The following NPHP4 variants were observed in gnomAD, a reference collection of about 807,000 sequenced individuals.
NPHP4 encodes nephrocystin 4.
In NPHP4, 151 loss-of-function variants were observed where a neutral mutation model predicts 155.8. The observed-to-expected ratio is 0.97, with a 90% CI of 0.85 to 1.11. NPHP4 has a LOEUF of 1.11. NPHP4 is among the 50% of genes least tolerant of loss of function. NPHP4 has a pLI of 0.00. For missense variants in NPHP4, 1,956 were observed against 1,925.7 expected (o/e 1.02, Z -0.29); for synonymous variants, 845 against 816.8 (o/e 1.03, Z -0.59).
intron 16 of NPHP4, among the ~76,000 whole-genome samples, chr1:5,901,621 C>G (rs11122117): frequency 0.023 from 3,524 of 152,288 alleles, 111 homozygotes; most frequent in African/African-American, 0.077. Flanking sequence ...GGTTTATATT[C>G]AAGTCAGGAG....
chr1:5,879,949 G>A (rs1251254859), intron 19 of NPHP4, among the ~76,000 whole-genome samples, 165 bp downstream of exon 19: 1 of 150,724 alleles, frequency 6.6e-6, no homozygotes, highest in Non-Finnish European at 1.5e-5. Context: ...CCTGCACATG[G>A]ACAGCACAGT....
chr1:5,951,180 G>A (rs183402057), intron 7 of NPHP4, among the ~76,000 whole-genome samples: 5 of 152,316 alleles, frequency 3.3e-5, no homozygotes, highest in African/African-American at 7.2e-5. Flanking sequence ...GAGGAGACCC[G>A]CGAGGCTCTG....
At position 5,864,036 on chromosome 1, in the gene NPHP4, G is replaced by A. The variant is rs991565030; in HGVS notation, c.3997-3C>T. On this transcript the variant is annotated splice_region_variant and splice_polypyrimidine_tract_variant and intron_variant, in intron 28 of 29. Transcript: ENST00000378156. ...GCAGCCAACATGATCTCAAAGGCCT[G>A]TGGAGGGAGGGGACAGGGAGACGCT... is the stretch of plus-strand genomic sequence containing the variant. The A allele has an allele frequency of 3.1e-6, 5 of 1,612,762 alleles. No individual in the cohort carries two copies. In the African/African-American group the frequency reaches 4.0e-5, roughly 13 times the overall value.
At chr1:5,869,222 T>G (rs1254495851) in intron 23 of NPHP4, among the ~76,000 whole-genome samples, 2 of 93,292 alleles carry the variant, frequency 2.1e-5, no homozygotes, top group South Asian at 4.2e-4. Flanking sequence ...TGCATACACA[T>G]CCACCCACAT....
chr1:5,952,546 C>G (rs143687633), intron 7 of NPHP4, among the ~76,000 whole-genome samples, 154 bp downstream of exon 7: 1 of 151,126 alleles, frequency 6.6e-6, no homozygotes, highest in Admixed American at 6.6e-5. Context: ...GCATCAGATG[C>G]GGGGTCTCCC....
chr1:5,913,570 G>A lies in NPHP4; in HGVS notation c.1442-4357C>T, dbSNP rs369546529. 3.7e-4 allele frequency among the ~76,000 whole-genome samples: 57 copies of A among 152,328 alleles called. 3 individuals are homozygous for A. The South Asian group carries it at 0.011, about 30-fold the overall frequency. On this transcript the variant is annotated intron_variant, in intron 11 of 29. Transcript: ENST00000378156. ...TACAGCACAGGCCTCAGGAGGCAAG[G>A]CAGGGCCTGCACTCTGATCCCAACC... is the stretch of plus-strand genomic sequence containing the variant.
chr1:5,867,439 C>T lies in NPHP4; in HGVS notation c.3472+301G>A, dbSNP rs569374076. The T allele has an allele frequency of 5.5e-6, 3 of 548,922 alleles. No individual in the cohort carries two copies. The highest frequency in any genetic ancestry group is 3.2e-5 in the Admixed American group (1 of 31,072). The allele number at this position is 548,922 out of a possible 1,614,324, so 34.0% of individuals were successfully genotyped here. A position where few individuals can be genotyped will look rare whatever the true frequency, so the allele number is the denominator to read the frequency against. On this transcript the variant is annotated intron_variant, in intron 24 of 29. Coordinates refer to ENST00000378156, the MANE Select transcript of NPHP4 (RefSeq NM_015102.5). This position sits in a 1 kb window ranked among gnomAD's most constrained non-coding sequence, Gnocchi z 4.1. ...CTGTAAGGGGCACCTACCAGAAACA[C>T]GCGGGCCGTCAGGTGAGGAGGTAGG... is the stretch of plus-strand genomic sequence containing the variant.
intron 12 of NPHP4, 67 bp downstream of exon 12, chr1:5,909,085 C>T: frequency 7.7e-7 from 1 of 1,304,736 alleles, no homozygotes; most frequent in South Asian, 1.3e-5. Flanking sequence ...TAAGGGGGGA[C>T]AGAGGGTTTT....
At position 5,914,257 on chromosome 1, in the gene NPHP4, CAAAAAAAAAAA is replaced by C. The variant is rs575438284; in HGVS notation, c.1442-5055_1442-5045del. 9.0e-3 allele frequency among the ~76,000 whole-genome samples: 426 copies of C among 47,392 alleles called. 4 individuals carry two copies. Among genetic ancestry groups the C allele is most frequent in the African/African-American group, 0.022 (349 of 16,184 alleles). 31.1% of individuals were successfully genotyped at this position (47,392 alleles called of 152,430 possible). On this transcript the variant is annotated intron_variant, in intron 11 of 29. Coordinates refer to ENST00000378156, the MANE Select transcript of NPHP4 (RefSeq NM_015102.5). ...GCAACATGGCAAAATCTTATCTATACAAAAAAAAAAAAAAAAAAAAAAAAAAAAAGGCCTGG... is the reference window on the plus strand; with the variant it reads ...GCAACATGGCAAAATCTTATCTATACAAAAAAAAAAAAAAAAAAGGCCTGG...
intron 18 of NPHP4, among the ~76,000 whole-genome samples, chr1:5,885,791 C>A (rs1643748302): frequency 6.6e-6 from 1 of 152,218 alleles, no homozygotes; most frequent in Admixed American, 6.5e-5. Flanking sequence ...ACAGAATAGC[C>A]AGTTTTATGA....
chr1:5,981,091 G>C (rs912105235), intron 2 of NPHP4, among the ~76,000 whole-genome samples: 2 of 152,124 alleles, frequency 1.3e-5, no homozygotes, highest in Non-Finnish European at 2.9e-5. Context: ...TGTCCCTGGG[G>C]CCTAGGCAAA....
chr1:5,969,481 T>C (rs1205429875), intron 3 of NPHP4, among the ~76,000 whole-genome samples: 1 of 152,200 alleles, frequency 6.6e-6, no homozygotes, highest in Non-Finnish European at 1.5e-5. Context: ...GAGCTCTTTA[T>C]TCCAGAGCAC....
chr1:5,878,428 G>A (rs1642849253), intron 19 of NPHP4, among the ~76,000 whole-genome samples: 1 of 152,262 alleles, frequency 6.6e-6, no homozygotes, highest in African/African-American at 2.4e-5. Context: ...CCTGGGGCCT[G>A]CGCAAGTTGG....
At chr1:5,871,319 C>T (rs983075064) in intron 23 of NPHP4, among the ~76,000 whole-genome samples, 6 of 152,124 alleles carry the variant, frequency 3.9e-5, no homozygotes, top group Admixed American at 2.0e-4. Flanking sequence ...GCAGTTCCAG[C>T]GTCTAAGAGC....
intron 26 of NPHP4, chr1:5,865,695 A>C (rs1343916194): frequency 1.2e-5 from 2 of 170,724 alleles, no homozygotes; most frequent in Non-Finnish European, 2.5e-5. Flanking sequence ...CGGCCTGAGC[A>C]CGGAAGCCCC....
At chr1:5,870,114 G>A (rs568546068) in intron 23 of NPHP4, among the ~76,000 whole-genome samples, 5 of 152,232 alleles carry the variant, frequency 3.3e-5, no homozygotes, top group Non-Finnish European at 7.4e-5. Context: ...CTCAAATCTT[G>A]GTTTCTAAAT....
intron 23 of NPHP4, among the ~76,000 whole-genome samples, chr1:5,869,674 T>C (rs1286982038): frequency 6.6e-6 from 1 of 152,254 alleles, no homozygotes; most frequent in Non-Finnish European, 1.5e-5. Context: ...ACAGATAGTG[T>C]CTAGCCCTGG....
intron 3 of NPHP4, among the ~76,000 whole-genome samples, chr1:5,975,292 C>G (rs538021834): frequency 2.6e-5 from 4 of 152,340 alleles, no homozygotes; most frequent in African/African-American, 9.6e-5. Context: ...GAGGAAACTG[C>G]CTGGTACAGA....
At chr1:5,895,580 G>C (rs189737657) in intron 16 of NPHP4, among the ~76,000 whole-genome samples, 71 of 152,224 alleles carry the variant, frequency 4.7e-4, no homozygotes, top group African/African-American at 1.7e-3. Flanking sequence ...AATACCACCC[G>C]TTAACGCCCC....
Sources: allele counts gnomAD v4.1 joint callset (sites outside exome capture counted in the v4.1 genomes callset), GRCh38; gene constraint gnomAD v4.1.1; non-coding constraint Gnocchi (gnomAD v3.1); transcripts MANE v1.5; gene names NCBI Gene and HGNC (gene_info 2026-07-23, HGNC 2026-07-21).